FHAD1: variants seen among roughly 807,000 people sequenced by gnomAD.
The protein encoded by FHAD1 is forkhead-associated domain-containing protein 1.
FHAD1 carries 146 observed loss-of-function variants against 191.3 expected under a neutral mutation model. The ratio of observed to expected loss-of-function variants is 0.76; its 90% CI spans 0.67 to 0.88. FHAD1 has a LOEUF of 0.88. Among genes scored for constraint, FHAD1 ranks in the 40% least tolerant of loss-of-function variants. The pLI is 0.00. For missense variants in FHAD1, 1,635 were observed against 1,785.8 expected, an observed-to-expected ratio of 0.92 and a Z score of 1.52; for synonymous variants, 616 against 672.3, an observed-to-expected ratio of 0.92 and a Z score of 1.29.
intron 14 of FHAD1, among the ~76,000 whole-genome samples, chr1:15,337,322 C>G (rs1684587424): frequency 6.6e-6 from 1 of 152,222 alleles, no homozygotes; most frequent in Non-Finnish European, 1.5e-5. Context: ...CACCGCAACC[C>G]CAACCTGTCT....
chr1:15,327,377 G>T lies in FHAD1; in HGVS notation c.1557+235G>T. The T allele has an allele frequency of 2.2e-6, 1 of 460,678 alleles. No homozygotes were observed. The highest frequency in any genetic ancestry group is 3.9e-6 in the Non-Finnish European group (1 of 259,058). 28.5% of individuals were successfully genotyped at this position (460,678 alleles called of 1,614,324 possible). ...TGTGAAAATCAAATTAAACCATTCGGGCTTACTTCTGGTCTCCAGACATGC... is the reference window on the plus strand; with the variant it reads ...TGTGAAAATCAAATTAAACCATTCGTGCTTACTTCTGGTCTCCAGACATGC... On this transcript the variant is annotated intron_variant, in intron 12 of 33. Coordinates refer to ENST00000688493, the MANE Select transcript of FHAD1 (RefSeq NM_001391957.1). The surrounding 1 kb of genome is among the most constrained non-coding windows in gnomAD (Gnocchi z 5.1).
chr1:15,328,204 C>G (rs902863650), intron 12 of FHAD1, 73 bp from the exon 13 acceptor site: 2 of 1,268,904 alleles, frequency 1.6e-6, no homozygotes, highest in Non-Finnish European at 2.1e-6. Context: ...TCTCCCATTC[C>G]CCTTCCCTCA....
intron 3 of FHAD1, among the ~76,000 whole-genome samples, chr1:15,279,841 G>C (rs930453937): frequency 1.3e-5 from 2 of 152,084 alleles, no homozygotes; most frequent in African/African-American, 4.8e-5. Context: ...GGAGGGAGGG[G>C]TGTCTCCCCC....
chr1:15,321,056 T>C (rs1315065965), intron 10 of FHAD1, among the ~76,000 whole-genome samples: 1 of 152,206 alleles, frequency 6.6e-6, no homozygotes, highest in East Asian at 1.9e-4. Flanking sequence ...TGCCTCAGCC[T>C]CCTGAGTAGC....
At chr1:15,306,068 A>G (rs1670400726) in intron 6 of FHAD1, among the ~76,000 whole-genome samples, 1 of 152,256 alleles carries the variant, frequency 6.6e-6, no homozygotes, top group African/African-American at 2.4e-5. Context: ...GGCTTTGACA[A>G]AAAGCCTGAT....
chr1:15,269,906 T>G lies in FHAD1; in HGVS notation c.94-2417T>G, dbSNP rs147247924. ...GGAGAATTACCCCTTTACCATTATTTATGGCTCTCTTTTTTTTTTTTTTTT... is the reference window on the plus strand; with the variant it reads ...GGAGAATTACCCCTTTACCATTATTGATGGCTCTCTTTTTTTTTTTTTTTT... On this transcript the variant is annotated intron_variant, in intron 2 of 33. Transcript: ENST00000688493. Among the ~76,000 whole-genome samples, 1,028 of 148,526 alleles carry G rather than the reference T, an allele frequency of 6.9e-3. 3 individuals are homozygous for G. The highest frequency in any genetic ancestry group is 0.011 in the Non-Finnish European group (760 of 67,542).
chr1:15,306,550 T>A (rs1400605122), intron 6 of FHAD1, among the ~76,000 whole-genome samples: 1 of 152,126 alleles, frequency 6.6e-6, no homozygotes, highest in African/African-American at 2.4e-5. Flanking sequence ...GAGGAAAAAG[T>A]GGTTTTGTGG....
rs1481059199 is a variant in FHAD1 at position 15,251,766 on chromosome 1, T to G, written c.-14-5T>G. ...AACAAAATTCTTTCTGAAAACCTTATGTAGGGAAAACAGAGAGGATGAAGG... is the reference window on the plus strand; with the variant it reads ...AACAAAATTCTTTCTGAAAACCTTAGGTAGGGAAAACAGAGAGGATGAAGG... On this transcript the variant is annotated splice_region_variant and splice_polypyrimidine_tract_variant and intron_variant, in intron 1 of 33. Coordinates refer to ENST00000688493, the MANE Select transcript of FHAD1 (RefSeq NM_001391957.1). 5 of 1,542,594 alleles carry G rather than the reference T, an allele frequency of 3.2e-6. No individual in the cohort carries two copies. Among genetic ancestry groups the G allele is most frequent in the Admixed American group, 4.1e-5 (2 of 48,382 alleles).
At chr1:15,332,476 G>A (rs1264373852) in intron 14 of FHAD1, among the ~76,000 whole-genome samples, 1 of 152,208 alleles carries the variant, frequency 6.6e-6, no homozygotes, top group Non-Finnish European at 1.5e-5. Context: ...AAGAGGCTGA[G>A]GCAGGAGGAT....
chr1:15,360,789 A>G, intron 22 of FHAD1, 86 bp downstream of exon 22: 1 of 1,109,206 alleles, frequency 9.0e-7, no homozygotes. Flanking sequence ...GATGGCTAAG[A>G]AAAAGGCCGT....
At chr1:15,246,168 G>A (rs763788079), upstream of FHAD1, among the ~76,000 whole-genome samples, 1 of 152,140 alleles carries the variant, frequency 6.6e-6, no homozygotes, top group Non-Finnish European at 1.5e-5. Flanking sequence ...AGGGGGAAGT[G>A]CCACACTTTT....
At chr1:15,305,282 T>TA (rs951454824) in intron 6 of FHAD1, among the ~76,000 whole-genome samples, 2 of 152,080 alleles carry the variant, frequency 1.3e-5, no homozygotes, top group South Asian at 4.2e-4. Context: ...ACTTACAGAA[T>TA]AAAAAAATGG....
intron 20 of FHAD1, among the ~76,000 whole-genome samples, chr1:15,353,251 A>G (rs1691496846): frequency 6.6e-6 from 1 of 152,176 alleles, no homozygotes; most frequent in Non-Finnish European, 1.5e-5. Context: ...AGCACTCCGC[A>G]TGTATGTGTC....
rs957239717 is a variant in FHAD1 at position 15,381,499 on chromosome 1, C to G, written c.4022+48C>G. On this transcript the variant is annotated intron_variant, in intron 30 of 33. Transcript: ENST00000688493. The surrounding 1 kb of genome is among the most constrained non-coding windows in gnomAD (Gnocchi z 4.6). ...CCACAGAAAGGCCCGGGCCTCCCTT[C>G]TCCTGGCTAAACTCAGGCTAGCAGC... is the stretch of plus-strand genomic sequence containing the variant. 3.1e-5 allele frequency: 44 copies of G among 1,428,420 alleles called. No individual in the cohort carries two copies. The highest frequency in any genetic ancestry group is 4.2e-5 in the Non-Finnish European group (44 of 1,037,970). The allele number at this position is 1,428,420 out of a possible 1,614,324, so 88.5% of individuals were successfully genotyped here.
At position 15,289,260 on chromosome 1, in the gene FHAD1, T is replaced by A; in HGVS notation, c.301-139T>A. The A allele has an allele frequency of 2.5e-6, 3 of 1,211,250 alleles. No homozygotes were observed. The highest frequency in any genetic ancestry group is 2.2e-6 in the Non-Finnish European group (2 of 889,790). 75.0% of individuals were successfully genotyped at this position (1,211,250 alleles called of 1,614,324 possible). ...ACTTTGGCCTCCCAAAGTGTTGGGA[T>A]TATAGCTGTGTGCCACCCTGCCCGA... is the stretch of plus-strand genomic sequence containing the variant. On this transcript the variant is annotated intron_variant, in intron 3 of 33. Coordinates refer to ENST00000688493, the MANE Select transcript of FHAD1 (RefSeq NM_001391957.1). The surrounding 1 kb of genome is among the most constrained non-coding windows in gnomAD (Gnocchi z 4.2).
chr1:15,362,002 CAA>C (rs796523025), intron 22 of FHAD1, among the ~76,000 whole-genome samples: 20 of 100,736 alleles, frequency 2.0e-4, no homozygotes, highest in Non-Finnish European at 2.5e-4. Flanking sequence ...GACTCTGTCT[CAA>C]AAAAAAAAAA....
chr1:15,333,779 C>T, intron 14 of FHAD1, among the ~76,000 whole-genome samples: 1 of 151,410 alleles, frequency 6.6e-6, no homozygotes, highest in East Asian at 1.9e-4. Context: ...TATCCTCCCA[C>T]CTACCCAGTG....
At chr1:15,296,623 T>C (rs1179236839) in intron 4 of FHAD1, 61 bp from the exon 5 acceptor site, 4 of 1,361,458 alleles carry the variant, frequency 2.9e-6, no homozygotes, top group Non-Finnish European at 3.1e-6. Flanking sequence ...GTGAACATCT[T>C]CTTCAGGCCT....
In FHAD1 at chr1:15,329,123, G is replaced by A; in HGVS notation, c.1711-223G>A. ...GCTCTGGGGTTTCATAGACCTAAAA[G>A]GGGGTTCGCTTTGACCATCAAAAGT... is the stretch of plus-strand genomic sequence containing the variant. On this transcript the variant is annotated intron_variant, in intron 13 of 33. Coordinates refer to ENST00000688493, the MANE Select transcript of FHAD1 (RefSeq NM_001391957.1). The surrounding 1 kb of genome is among the most constrained non-coding windows in gnomAD (Gnocchi z 5.0). 2.4e-6 allele frequency: 1 copy of A among 408,904 alleles called. No homozygotes were observed. The highest frequency in any genetic ancestry group is 4.4e-6 in the Non-Finnish European group (1 of 227,270). 25.3% of individuals were successfully genotyped at this position (408,904 alleles called of 1,614,324 possible).
Sources: allele counts gnomAD v4.1 joint callset (sites outside exome capture counted in the v4.1 genomes callset), GRCh38; gene constraint gnomAD v4.1.1; non-coding constraint Gnocchi (gnomAD v3.1); transcripts MANE v1.5; gene names NCBI Gene and HGNC (gene_info 2026-07-23, HGNC 2026-07-21).